RPS6KC1: variants seen among roughly 807,000 people sequenced by gnomAD.
RPS6KC1 encodes the protein inactive ribosomal protein S6 kinase delta-1.
RPS6KC1 carries 54 observed loss-of-function variants against 103.8 expected under a neutral mutation model. The observed-to-expected ratio is 0.52, with a 90% CI of 0.42 to 0.65. The LOEUF (loss-of-function observed/expected upper bound fraction) is 0.65, where lower values mean the gene tolerates loss of function less well. Among genes scored for constraint, RPS6KC1 ranks in the 30% least tolerant of loss-of-function variants. The pLI is 0.00. For synonymous variants in RPS6KC1, 439 were observed against 438.7 expected, an observed-to-expected ratio of 1.00 and a Z score of -0.01; for missense variants, 1,151 against 1,253.8, an observed-to-expected ratio of 0.92 and a Z score of 1.24.
the RPS6KC1 span, among the ~76,000 whole-genome samples, chr1:213,343,196 G>GA: frequency 1.3e-5 from 2 of 150,590 alleles, no homozygotes; most frequent in Non-Finnish European, 3.0e-5. Flanking sequence ...AGATAAAGTT[G>GA]AAAAAACTCC....
the RPS6KC1 span, among the ~76,000 whole-genome samples, chr1:213,303,808 T>A: frequency 2.6e-5 from 4 of 152,270 alleles, no homozygotes; most frequent in Admixed American, 1.3e-4. Flanking sequence ...ATATTTTATT[T>A]TATTAATAAT....
chr1:213,677,390 A>G, the RPS6KC1 span, among the ~76,000 whole-genome samples: 1 of 152,190 alleles, frequency 6.6e-6, no homozygotes, highest in African/African-American at 2.4e-5. Context: ...GGTCAGATAG[A>G]CTAGAGTTGA....
the RPS6KC1 span, among the ~76,000 whole-genome samples, chr1:213,598,604 C>T: frequency 9.2e-3 from 1,407 of 152,230 alleles, 18 homozygotes; most frequent in Middle Eastern, 0.014. Context: ...TCTGGGGACT[C>T]AGTATTTTAA....
At chr1:213,760,839 G>A in the RPS6KC1 span, among the ~76,000 whole-genome samples, 2 of 147,130 alleles carry the variant, frequency 1.4e-5, no homozygotes, top group African/African-American at 2.5e-5. Context: ...TCAGGAAAGT[G>A]TGAGTCTACT....
chr1:213,606,136 C>T, the RPS6KC1 span, among the ~76,000 whole-genome samples: 1 of 152,064 alleles, frequency 6.6e-6, no homozygotes, highest in Non-Finnish European at 1.5e-5. Flanking sequence ...GGTATATTCA[C>T]AAAAGAAGGG....
At chr1:213,520,813 C>G in the RPS6KC1 span, among the ~76,000 whole-genome samples, 1 of 152,136 alleles carries the variant, frequency 6.6e-6, no homozygotes. Flanking sequence ...TGTGTGCTCT[C>G]TTTCTTAAAA....
downstream of RPS6KC1, among the ~76,000 whole-genome samples, chr1:213,278,404 A>C (rs1379377265): frequency 6.6e-6 from 1 of 152,164 alleles, no homozygotes; most frequent in Non-Finnish European, 1.5e-5. Flanking sequence ...CCAATGGAAA[A>C]CAAGAAGAAA....
At chr1:213,635,772 A>G in the RPS6KC1 span, among the ~76,000 whole-genome samples, 1 of 152,220 alleles carries the variant, frequency 6.6e-6, no homozygotes. Flanking sequence ...TGGCCAGGGC[A>G]ATCAGGCAAG....
the RPS6KC1 span, among the ~76,000 whole-genome samples, chr1:213,680,509 A>G: frequency 6.6e-6 from 1 of 152,210 alleles, no homozygotes; most frequent in African/African-American, 2.4e-5. Context: ...AAGGACTGTC[A>G]GAACTGATCA....
chr1:213,457,366 T>C, the RPS6KC1 span, among the ~76,000 whole-genome samples: 1 of 152,250 alleles, frequency 6.6e-6, no homozygotes, highest in African/African-American at 2.4e-5. Context: ...CTGATTTGCT[T>C]TGACTGTTTG....
At chr1:213,735,626 G>A in the RPS6KC1 span, among the ~76,000 whole-genome samples, 1 of 152,204 alleles carries the variant, frequency 6.6e-6, no homozygotes, top group Non-Finnish European at 1.5e-5. Flanking sequence ...AATGATGCAT[G>A]TTCTAATCCT....
chr1:213,733,544 G>GTGTT, the RPS6KC1 span, among the ~76,000 whole-genome samples: 2 of 100,232 alleles, frequency 2.0e-5, no homozygotes, highest in Non-Finnish European at 4.1e-5. Context: ...GCTATTTTTA[G>GTGTT]TTTGTTTTTT....
the RPS6KC1 span, among the ~76,000 whole-genome samples, chr1:213,439,465 C>T: frequency 2.6e-3 from 402 of 152,180 alleles, 2 homozygotes; most frequent in Non-Finnish European, 4.7e-3. Context: ...GCACTGACTC[C>T]AGGTGGTTTA....
the RPS6KC1 span, among the ~76,000 whole-genome samples, chr1:213,616,360 G>A: frequency 7.2e-5 from 11 of 152,332 alleles, 1 homozygote; most frequent in South Asian, 2.3e-3. Context: ...GGCGGGGCAG[G>A]ACAGCAGGAG....
chr1:213,851,888 G>T, the RPS6KC1 span, among the ~76,000 whole-genome samples: 1 of 152,114 alleles, frequency 6.6e-6, no homozygotes, highest in Non-Finnish European at 1.5e-5. Context: ...TTCGCTCCTT[G>T]AGTTCTCCTG....
chr1:213,830,152 C>T, the RPS6KC1 span, among the ~76,000 whole-genome samples: 2 of 152,162 alleles, frequency 1.3e-5, no homozygotes, highest in African/African-American at 2.4e-5. Context: ...CCAATTACTT[C>T]ATGCATCTTT....
chr1:213,688,744 C>T, the RPS6KC1 span, among the ~76,000 whole-genome samples: 1 of 152,176 alleles, frequency 6.6e-6, no homozygotes, highest in Admixed American at 6.5e-5. Flanking sequence ...GATTCAGCCC[C>T]AGGTGTAACT....
At chr1:213,777,490 TTG>T in the RPS6KC1 span, among the ~76,000 whole-genome samples, 1 of 152,148 alleles carries the variant, frequency 6.6e-6, no homozygotes, top group Non-Finnish European at 1.5e-5. Flanking sequence ...ATGAGTGGGT[TTG>T]TGGCACCCCA....
the RPS6KC1 span, among the ~76,000 whole-genome samples, chr1:213,742,071 G>C: frequency 2.6e-5 from 4 of 152,266 alleles, no homozygotes; most frequent in Admixed American, 6.5e-5. Context: ...TGGCCAGGAG[G>C]GGGTGGAGGA....
Sources: allele counts gnomAD v4.1 joint callset (sites outside exome capture counted in the v4.1 genomes callset), GRCh38; gene constraint gnomAD v4.1.1; transcripts MANE v1.5; gene names NCBI Gene and HGNC (gene_info 2026-07-23, HGNC 2026-07-21).